KLF13: variants seen among roughly 807,000 people sequenced by gnomAD.
KLF13 encodes KLF transcription factor 13, also known as Krueppel-like factor 13.
In KLF13, 8 loss-of-function variants were observed where a neutral mutation model predicts 16.7. The observed-to-expected ratio is 0.48, with a 90% CI of 0.28 to 0.87. The LOEUF is 0.87. Among genes scored for constraint, KLF13 ranks in the 40% least tolerant of loss-of-function variants. The pLI is 0.10. For missense variants in KLF13, 447 were observed against 452.2 expected, an observed-to-expected ratio of 0.99 and a Z score of 0.10; for synonymous variants, 245 against 208.4, an observed-to-expected ratio of 1.18 and a Z score of -1.51.
intron 1 of KLF13, among the ~76,000 whole-genome samples, chr15:31,430,561 C>T (rs777561674): frequency 3.7e-4 from 56 of 152,286 alleles, no homozygotes; most frequent in Non-Finnish European, 6.9e-4. Context: ...AAACCCACTT[C>T]CATGATAATG....
chr15:31,415,357 C>T (rs949462319), intron 1 of KLF13, among the ~76,000 whole-genome samples: 5 of 152,188 alleles, frequency 3.3e-5, no homozygotes, highest in African/African-American at 1.2e-4. Flanking sequence ...CTCAAGTGTA[C>T]ATAAAACATT....
intron 1 of KLF13, among the ~76,000 whole-genome samples, chr15:31,348,712 C>G (rs896142082): frequency 3.3e-5 from 5 of 152,254 alleles, no homozygotes; most frequent in Admixed American, 1.3e-4. Context: ...AGTTTAAGCA[C>G]CGCCCCAGAG....
intron 2 of KLF13, among the ~76,000 whole-genome samples, chr15:31,398,631 G>T (rs79358016): frequency 5.3e-5 from 8 of 152,216 alleles, no homozygotes; most frequent in African/African-American, 1.9e-4. Flanking sequence ...TCAGGGCTCC[G>T]AGCCCTCCCA....
At chr15:31,385,041 T>G (rs192977198) in intron 1 of KLF13, among the ~76,000 whole-genome samples, 1 of 152,148 alleles carries the variant, frequency 6.6e-6, no homozygotes, top group Non-Finnish European at 1.5e-5. Context: ...GATTGATCCC[T>G]TCACAAGAAG....
chr15:31,431,678 A>G (rs185663124), intron 1 of KLF13, among the ~76,000 whole-genome samples: 1 of 152,130 alleles, frequency 6.6e-6, no homozygotes, highest in Admixed American at 6.5e-5. Flanking sequence ...GTTAGCCAGG[A>G]TGGTCGCTAT....
At chr15:31,331,663 G>T (rs544058867) in intron 1 of KLF13, among the ~76,000 whole-genome samples, 1 of 152,148 alleles carries the variant, frequency 6.6e-6, no homozygotes, top group South Asian at 2.1e-4. Context: ...GGCTCAGCAC[G>T]CCCACCCCTC....
At chr15:31,422,120 CA>C (rs1306629650) in intron 1 of KLF13, among the ~76,000 whole-genome samples, 1 of 43,136 alleles carries the variant, frequency 2.3e-5, no homozygotes, top group African/African-American at 1.0e-4. Context: ...ATCTCAAAAA[CA>C]AACAAACAAA....
intron 1 of KLF13, among the ~76,000 whole-genome samples, chr15:31,328,621 C>T (rs770414969): frequency 6.6e-6 from 1 of 151,906 alleles, no homozygotes; most frequent in African/African-American, 2.4e-5. Context: ...GCGGCACCTG[C>T]ACCAGGGCGG....
At chr15:31,399,249 T>C (rs2039999897) in intron 2 of KLF13, among the ~76,000 whole-genome samples, 1 of 152,180 alleles carries the variant, frequency 6.6e-6, no homozygotes, top group Admixed American at 6.5e-5. Context: ...TGGCGCAATC[T>C]TGGCTCACTG....
chr15:31,418,096 G>A (rs2141006127), intron 1 of KLF13, among the ~76,000 whole-genome samples: 2 of 152,092 alleles, frequency 1.3e-5, no homozygotes, highest in South Asian at 4.1e-4. Context: ...CTATGACAGA[G>A]CTTTACTTCT....
chr15:31,371,053 G>A (rs1024890852), intron 1 of KLF13, among the ~76,000 whole-genome samples: 2 of 152,126 alleles, frequency 1.3e-5, no homozygotes, highest in Non-Finnish European at 2.9e-5. Flanking sequence ...GGATGAGACC[G>A]TGTAGGAAGG....
At chr15:31,335,761 A>AT (rs2038920200) in intron 1 of KLF13, among the ~76,000 whole-genome samples, 1 of 152,140 alleles carries the variant, frequency 6.6e-6, no homozygotes, top group Non-Finnish European at 1.5e-5. Flanking sequence ...AAATGTCCTT[A>AT]TGCTGGTGCC....
At chr15:31,390,329 G>C (rs1484534725), upstream of KLF13, among the ~76,000 whole-genome samples, 1 of 152,178 alleles carries the variant, frequency 6.6e-6, no homozygotes, top group Non-Finnish European at 1.5e-5. Flanking sequence ...AAGGATGCAT[G>C]GGACGATGGG....
chr15:31,338,340 G>A (rs544307410), intron 1 of KLF13, among the ~76,000 whole-genome samples: 26 of 152,270 alleles, frequency 1.7e-4, no homozygotes, highest in African/African-American at 2.9e-4. Context: ...ATATATGCCC[G>A]TATTTGCAGC....
intron 1 of KLF13, among the ~76,000 whole-genome samples, chr15:31,414,682 A>C (rs1328902881): frequency 6.6e-6 from 1 of 152,238 alleles, no homozygotes; most frequent in Non-Finnish European, 1.5e-5. Flanking sequence ...TACCAATTAT[A>C]AATATATATT....
chr15:31,332,838 T>G (rs2038856050), intron 1 of KLF13, among the ~76,000 whole-genome samples: 1 of 152,180 alleles, frequency 6.6e-6, no homozygotes, highest in African/African-American at 2.4e-5. Flanking sequence ...GTGTGTGTGT[T>G]TAAATGGGTC....
chr15:31,428,452 T>C (rs1566850821), intron 1 of KLF13, among the ~76,000 whole-genome samples: 1 of 152,210 alleles, frequency 6.6e-6, no homozygotes, highest in East Asian at 1.9e-4. Context: ...GTAACCTCAG[T>C]CAAAATTTCA....
intron 1 of KLF13, among the ~76,000 whole-genome samples, chr15:31,337,575 C>T (rs1485598364): frequency 2.0e-5 from 3 of 152,224 alleles, no homozygotes; most frequent in Non-Finnish European, 4.4e-5. Context: ...TTACTATGCA[C>T]ACCTAAATGG....
chr15:31,423,821 A>T (rs2040372146), intron 1 of KLF13, among the ~76,000 whole-genome samples: 1 of 152,186 alleles, frequency 6.6e-6, no homozygotes. Context: ...GTCTTTTCTG[A>T]TTTTGTTGGA....
Sources: gnomAD v4.1 joint callset for allele counts (sites outside exome capture counted in the v4.1 genomes callset) on GRCh38, gnomAD v4.1.1 for gene constraint, MANE v1.5 for transcripts, NCBI Gene and HGNC (gene_info 2026-07-23, HGNC 2026-07-21) for gene names.